Variants in FGF13 observed in about 807,000 individuals in gnomAD.
FGF13 encodes the protein fibroblast growth factor 13.
In FGF13, 2 loss-of-function variants were observed where a neutral mutation model predicts 19.5. The observed-to-expected ratio is 0.10, with a 90% CI of 0.04 to 0.32. FGF13 has a LOEUF of 0.32. Among genes scored for constraint, FGF13 ranks in the 10% least tolerant of loss-of-function variants. The pLI, the probability that FGF13 is intolerant of heterozygous loss-of-function variation, is 1.00. For synonymous variants in FGF13, 72 were observed against 76.9 expected, an observed-to-expected ratio of 0.94 and a Z score of 0.33; for missense variants, 113 against 192.7, an observed-to-expected ratio of 0.59 and a Z score of 2.45.
At position 138,635,352 on chromosome X, in the gene FGF13, T is replaced by C. The variant is rs2089170894; in HGVS notation, c.601+105A>G. ...TCAGAAATCACCACTAAATAGCTTGTCTATGTAACCAAAAACCACCTGTAC... is the reference window on the plus strand; with the variant it reads ...TCAGAAATCACCACTAAATAGCTTGCCTATGTAACCAAAAACCACCTGTAC... On this transcript the variant is annotated intron_variant, in intron 4 of 4. Transcript: ENST00000315930. 1.0e-5 allele frequency: 8 copies of C among 792,905 alleles called. No homozygotes were observed. In the South Asian group the frequency reaches 2.1e-4, roughly 21 times the overall value. 65.3% of individuals were successfully genotyped at this position (792,905 alleles called of 1,213,427 possible). A position where few individuals can be genotyped will look rare whatever the true frequency, so the allele number is the denominator to read the frequency against.
intron 1 of FGF13, among the ~76,000 whole-genome samples, chrX:138,940,548 G>T (rs1440877766): frequency 9.0e-6 from 1 of 111,439 alleles, no homozygotes; most frequent in Non-Finnish European, 1.9e-5. Context: ...TTCCTCCAGG[G>T]TTTTTATAGT....
At chrX:139,054,291 T>C (rs1022966556) in intron 1 of FGF13, among the ~76,000 whole-genome samples, 2 of 108,474 alleles carry the variant, frequency 1.8e-5, no homozygotes, top group African/African-American at 6.7e-5. Flanking sequence ...CCCAGCTAAT[T>C]TTTTTGTATT....
chrX:138,814,650 G>C (rs996221337), intron 3 of FGF13, among the ~76,000 whole-genome samples: 4 of 111,037 alleles, frequency 3.6e-5, no homozygotes, highest in Non-Finnish European at 7.6e-5. Flanking sequence ...ATCATAATGA[G>C]ATACTACTTG....
intron 3 of FGF13, among the ~76,000 whole-genome samples, chrX:138,769,911 T>A (rs926171232): frequency 8.9e-6 from 1 of 112,188 alleles, no homozygotes; most frequent in Non-Finnish European, 1.9e-5. Context: ...TATCATAGAT[T>A]TCTCTCACTT....
intron 1 of FGF13, among the ~76,000 whole-genome samples, chrX:138,865,192 C>T (rs1234148259): frequency 8.9e-6 from 1 of 111,869 alleles, no homozygotes; most frequent in Non-Finnish European, 1.9e-5. Flanking sequence ...CCAGTACGAA[C>T]GCAATCTAAA....
chrX:138,774,155 G>GAAA (rs2090569314), intron 3 of FGF13, among the ~76,000 whole-genome samples: 1 of 111,250 alleles, frequency 9.0e-6, no homozygotes. Flanking sequence ...CAGGAACTGG[G>GAAA]AAAAATAGGA....
chrX:139,170,162 C>T (rs1275032458), intron 1 of FGF13, among the ~76,000 whole-genome samples: 1 of 111,373 alleles, frequency 9.0e-6, no homozygotes, highest in Admixed American at 9.6e-5. Context: ...ACCATTCCCC[C>T]TAAATCCTTT....
At chrX:138,891,013 C>CG (rs1183524630) in intron 1 of FGF13, among the ~76,000 whole-genome samples, 62 of 111,943 alleles carry the variant, frequency 5.5e-4, no homozygotes, top group Non-Finnish European at 8.7e-4. Flanking sequence ...CATTTGTGGC[C>CG]GGGAGCGGTG....
intron 1 of FGF13, among the ~76,000 whole-genome samples, chrX:139,159,348 A>C (rs946960172): frequency 9.8e-5 from 11 of 111,793 alleles, no homozygotes; most frequent in Admixed American, 7.6e-4. Context: ...TGGAAAGGAA[A>C]AACTGGTACC....
At position 138,631,254 on chromosome X, in the gene FGF13, T is replaced by G. The variant is rs1361581814; in HGVS notation, c.*1596A>C. The G allele has an allele frequency of 8.9e-6, 1 of 112,146 alleles. No homozygotes were observed. Among genetic ancestry groups the G allele is most frequent in the Non-Finnish European group, 1.9e-5 (1 of 53,282 alleles). The allele number at this position is 112,146 out of a possible 1,213,427, so 9.2% of individuals were successfully genotyped here. On this transcript the variant is annotated 3_prime_UTR_variant, in exon 5 of 5. Coordinates refer to ENST00000315930, the MANE Select transcript of FGF13 (RefSeq NM_004114.5). The stretch of plus-strand genomic sequence containing the variant: ...AAAGGACACTATTTAGTCCTGTGTA[T>G]TCCCTCTAGAGAGGAGAGAAATAAG...
chrX:138,795,457 T>C (rs779289081), intron 3 of FGF13, among the ~76,000 whole-genome samples: 38 of 112,078 alleles, frequency 3.4e-4, no homozygotes, highest in Non-Finnish European at 6.4e-4. Context: ...GCTGTCATGG[T>C]TGATTGGCAG....
chrX:138,653,020 G>C (rs141939207), intron 3 of FGF13, among the ~76,000 whole-genome samples: 1,537 of 112,087 alleles, frequency 0.014, 13 homozygotes, highest in South Asian at 0.024. Flanking sequence ...ATACACTGCA[G>C]ATTACAGATT....
chrX:138,701,222 C>G (rs771812039), intron 3 of FGF13, among the ~76,000 whole-genome samples: 1 of 112,225 alleles, frequency 8.9e-6, no homozygotes, highest in Non-Finnish European at 1.9e-5. Context: ...CATATGATAT[C>G]TGGCATGTGC....
intron 3 of FGF13, among the ~76,000 whole-genome samples, chrX:138,818,430 C>T (rs1462701867): frequency 9.3e-6 from 1 of 107,852 alleles, no homozygotes; most frequent in African/African-American, 3.4e-5. Context: ...GGTCCTGGCA[C>T]CTCCTAATCA....
At chrX:139,148,426 G>A (rs1264413178) in intron 1 of FGF13, among the ~76,000 whole-genome samples, 2 of 110,290 alleles carry the variant, frequency 1.8e-5, no homozygotes, top group Admixed American at 1.9e-4. Context: ...ATATCCCAGT[G>A]AGGGAATGTT....
intron 3 of FGF13, among the ~76,000 whole-genome samples, chrX:138,669,191 A>T (rs750040077): frequency 2.3e-4 from 26 of 110,795 alleles, no homozygotes; most frequent in Non-Finnish European, 4.0e-4. Context: ...GTACAGGACA[A>T]AGGATAATTG....
chrX:138,993,527 G>A (rs1404976382), intron 1 of FGF13, among the ~76,000 whole-genome samples: 1 of 111,466 alleles, frequency 9.0e-6, no homozygotes, highest in South Asian at 3.8e-4. Context: ...TAATGAAAAC[G>A]TATCTCTAAG....
Position 139,160,855 on chromosome X carries a change from T to C in FGF13, c.-113+42561A>G, listed in dbSNP as rs753899654. On this transcript the variant is annotated intron_variant, in intron 1 of 2. Coordinates refer to the FGF13 transcript ENST00000421460. ...GTTCTGAAATCGAGGCAGTAATTAA[T>C]AGCCTACCAACCAAAAAAACCCAGG... is the stretch of plus-strand genomic sequence containing the variant. Among the ~76,000 whole-genome samples the C allele has an allele frequency of 2.9e-4, 32 of 111,981 alleles. 2 individuals carry two copies. In the South Asian group the frequency reaches 0.012, roughly 42 times the overall value.
At chrX:138,819,035 G>C (rs2090981230) in intron 3 of FGF13, among the ~76,000 whole-genome samples, 1 of 110,600 alleles carries the variant, frequency 9.0e-6, no homozygotes, top group African/African-American at 3.3e-5. Context: ...AGAGGAAAAA[G>C]GTAGAATATT....
Sources: gnomAD v4.1 joint callset for allele counts (sites outside exome capture counted in the v4.1 genomes callset) on GRCh38, gnomAD v4.1.1 for gene constraint, MANE v1.5 for transcripts, NCBI Gene and HGNC (gene_info 2026-07-23, HGNC 2026-07-21) for gene names.